CADM1: variants seen among roughly 807,000 people sequenced by gnomAD.
CADM1 encodes the protein cell adhesion molecule 1.
In CADM1, 15 loss-of-function variants were observed where a neutral mutation model predicts 53.1. The observed-to-expected ratio is 0.28, with a 90% CI of 0.19 to 0.44. CADM1 has a LOEUF of 0.44. Ranked by LOEUF, CADM1 falls within the 20% of genes least tolerant of loss-of-function variation. The pLI is 1.00. For missense variants in CADM1, 434 were observed against 611.3 expected, an observed-to-expected ratio of 0.71 and a Z score of 3.06; for synonymous variants, 281 against 243.0, an observed-to-expected ratio of 1.16 and a Z score of -1.45.
chr11:115,187,923 A>G (rs950381260), intron 10 of CADM1, among the ~76,000 whole-genome samples: 9 of 152,132 alleles, frequency 5.9e-5, no homozygotes, highest in African/African-American at 1.2e-4. Flanking sequence ...TTTCCAGATC[A>G]CTTTCTTGTC....
At chr11:115,297,731 C>T (rs1944115946) in intron 1 of CADM1, among the ~76,000 whole-genome samples, 2 of 152,198 alleles carry the variant, frequency 1.3e-5, no homozygotes, top group African/African-American at 2.4e-5. Context: ...AAGAACATGA[C>T]ACAAACTGTA....
intron 1 of CADM1, among the ~76,000 whole-genome samples, chr11:115,375,118 C>A (rs1218553785): frequency 6.6e-6 from 1 of 151,906 alleles, no homozygotes; most frequent in African/African-American, 2.4e-5. Flanking sequence ...TTAAAATGAT[C>A]CATGGTTGGG....
chr11:115,313,096 T>C (rs1228472366), intron 1 of CADM1, among the ~76,000 whole-genome samples: 2 of 152,076 alleles, frequency 1.3e-5, no homozygotes, highest in Non-Finnish European at 2.9e-5. Flanking sequence ...TAAACAAAGA[T>C]CCTGAAGGGA....
intron 1 of CADM1, among the ~76,000 whole-genome samples, chr11:115,499,420 A>G (rs1166165032): frequency 6.6e-6 from 1 of 152,240 alleles, no homozygotes; most frequent in Non-Finnish European, 1.5e-5. Flanking sequence ...AGGTTTCAGG[A>G]TCATTTGTCA....
At chr11:115,235,611 C>T (rs879938026) in intron 3 of CADM1, among the ~76,000 whole-genome samples, 1 of 152,176 alleles carries the variant, frequency 6.6e-6, no homozygotes, top group Non-Finnish European at 1.5e-5. Flanking sequence ...ATAAACATTA[C>T]GCCTACAACA....
intron 5 of CADM1, among the ~76,000 whole-genome samples, chr11:115,218,349 T>C (rs1207351430): frequency 1.3e-5 from 2 of 152,214 alleles, no homozygotes; most frequent in Non-Finnish European, 2.9e-5. Flanking sequence ...GTGCTCAGAA[T>C]TGATACATTT....
At chr11:115,478,953 T>C (rs1412595735) in intron 1 of CADM1, among the ~76,000 whole-genome samples, 2 of 152,126 alleles carry the variant, frequency 1.3e-5, no homozygotes, top group Non-Finnish European at 2.9e-5. Flanking sequence ...TGCTTCCAAT[T>C]TTTTGCTATT....
rs141082006 is a variant in CADM1, at chr11:115,201,763, T to C, written c.1079-3325A>G. ...CATGAGAAAAACAGGTCACAAAAAATTGAGCTGGACTTATGGTGGTGTTGG... is the reference window on the plus strand; with the variant it reads ...CATGAGAAAAACAGGTCACAAAAAACTGAGCTGGACTTATGGTGGTGTTGG... On this transcript the variant is annotated intron_variant, in intron 8 of 11. Transcript: ENST00000331581. Among the ~76,000 whole-genome samples the C allele has an allele frequency of 3.6e-4, 55 of 152,132 alleles. 2 individuals carry two copies. The East Asian group carries it at 0.01, about 28-fold the overall frequency.
At chr11:115,426,620 T>A (rs1332867176) in intron 1 of CADM1, among the ~76,000 whole-genome samples, 1 of 152,202 alleles carries the variant, frequency 6.6e-6, no homozygotes, top group Admixed American at 6.5e-5. Context: ...CTCTTTCCGC[T>A]AAGACAAGGT....
chr11:115,259,235 C>T (rs1942889365), intron 1 of CADM1, among the ~76,000 whole-genome samples: 1 of 151,320 alleles, frequency 6.6e-6, no homozygotes, highest in Non-Finnish European at 1.5e-5. Flanking sequence ...ATCTGCCCAC[C>T]TCAGGCTCCC....
chr11:115,410,726 T>G (rs1271355713), intron 1 of CADM1, among the ~76,000 whole-genome samples: 1 of 152,196 alleles, frequency 6.6e-6, no homozygotes, highest in Non-Finnish European at 1.5e-5. Context: ...ATTTAACAGA[T>G]GAGTTTAACA....
At chr11:115,440,997 C>A (rs887094197) in intron 1 of CADM1, among the ~76,000 whole-genome samples, 1 of 151,894 alleles carries the variant, frequency 6.6e-6, no homozygotes, top group Admixed American at 6.6e-5. Context: ...CCAGGCTGGT[C>A]TCAAACTCCT....
intron 1 of CADM1, among the ~76,000 whole-genome samples, chr11:115,498,646 T>C (rs1460277010): frequency 1.3e-5 from 2 of 152,358 alleles, no homozygotes; most frequent in African/African-American, 2.4e-5. Flanking sequence ...GTCTCCTCAG[T>C]AGAAGCAATA....
At chr11:115,273,856 C>A (rs1362611884) in intron 1 of CADM1, among the ~76,000 whole-genome samples, 1 of 152,182 alleles carries the variant, frequency 6.6e-6, no homozygotes, top group Non-Finnish European at 1.5e-5. Flanking sequence ...ATGATAAATT[C>A]AATGCCATCT....
chr11:115,277,497 C>T (rs989042436), intron 1 of CADM1, among the ~76,000 whole-genome samples: 4 of 151,952 alleles, frequency 2.6e-5, no homozygotes, highest in Non-Finnish European at 5.9e-5. Flanking sequence ...GTTATAAATC[C>T]CTTCATCGAA....
intron 1 of CADM1, among the ~76,000 whole-genome samples, chr11:115,373,345 G>A (rs1158624217): frequency 3.9e-5 from 6 of 152,126 alleles, no homozygotes; most frequent in Non-Finnish European, 8.8e-5. Flanking sequence ...AGCACTTTGG[G>A]AGGCTGAGGC....
chr11:115,256,162 G>T (rs1942780617), intron 1 of CADM1, among the ~76,000 whole-genome samples: 2 of 152,172 alleles, frequency 1.3e-5, no homozygotes, highest in South Asian at 4.1e-4. Flanking sequence ...TGTTATAGAA[G>T]TGATGAAATT....
chr11:115,455,958 A>G (rs1358541801), intron 1 of CADM1, among the ~76,000 whole-genome samples: 5 of 152,186 alleles, frequency 3.3e-5, no homozygotes, highest in Admixed American at 3.3e-4. Flanking sequence ...TTTCATGCTG[A>G]ACATCCTACA....
chr11:115,225,360 C>T (rs1300819199), intron 5 of CADM1, among the ~76,000 whole-genome samples: 1 of 152,024 alleles, frequency 6.6e-6, no homozygotes, highest in Non-Finnish European at 1.5e-5. Context: ...CAACACCTTG[C>T]TGAACAAAAC....
Sources: allele counts gnomAD v4.1 joint callset (sites outside exome capture counted in the v4.1 genomes callset), GRCh38; gene constraint gnomAD v4.1.1; transcripts MANE v1.5; gene names NCBI Gene and HGNC (gene_info 2026-07-23, HGNC 2026-07-21).